Variants in RHD observed in about 807,000 individuals in gnomAD.
RHD encodes the protein Rh blood group D antigen.
In RHD, 16 loss-of-function variants were observed where a neutral mutation model predicts 45.5. That is an observed-to-expected ratio of 0.35 (90% CI 0.24 to 0.53). The LOEUF is 0.53. Among genes scored for constraint, RHD ranks in the 20% least tolerant of loss-of-function variants. The probability of loss-of-function intolerance (pLI) is 0.92; values close to 1 mark genes in which losing one functional copy is unlikely to be tolerated. For synonymous variants in RHD, 131 were observed against 217.5 expected (o/e 0.60, Z 3.50); for missense variants, 306 against 532.0 (o/e 0.58, Z 4.18).
At position 25,286,868 on chromosome 1, in the gene RHD, G is replaced by A. The variant is rs1230407223; in HGVS notation, c.335+2109G>A. 3.0e-5 allele frequency among the ~76,000 whole-genome samples: 4 copies of A among 134,346 alleles called. 1 individual carries two copies. The highest frequency in any genetic ancestry group is 7.0e-5 in the Non-Finnish European group (4 of 56,864). 88.1% of individuals were successfully genotyped at this position (134,346 alleles called of 152,430 possible). On this transcript the variant is annotated intron_variant, in intron 2 of 9. Coordinates refer to ENST00000328664, the MANE Select transcript of RHD (RefSeq NM_016124.6). ...TAGTACTTTAGGAGGCCTAGCAGGT[G>A]GATTACCTGAGGTCAGGAGTCCGAG...
chr1:25,302,089 G>C (rs1295650697), intron 5 of RHD, among the ~76,000 whole-genome samples: 2 of 130,892 alleles, frequency 1.5e-5, no homozygotes, highest in Non-Finnish European at 3.6e-5. Flanking sequence ...AAGTAGAGAA[G>C]TATGTGACAC....
rs569974439 is a variant in RHD at position 25,301,053 on chromosome 1, A to T, written c.594A>T (p.Lys198Asn). 15 of 1,376,916 alleles carry T rather than the reference A, an allele frequency of 1.1e-5. 2 individuals carry two copies. The highest frequency in any genetic ancestry group is 1.9e-4 in the Middle Eastern group (1 of 5,398). 85.3% of individuals were successfully genotyped at this position (1,376,916 alleles called of 1,614,324 possible). A position where few individuals can be genotyped will look rare whatever the true frequency, so the allele number is the denominator to read the frequency against. ...CTCTACCCGAGGGAACGGAGGATAA[A>T]GATCAGACAGCAACGATACCCAGTT... ...PKPLPEGTED[K>N]DQTATIPSLS... The change falls in exon 4 of 10, where the codon AAA becomes AAT. Residue 198 changes from lysine (K) to asparagine (N), a missense_variant. Transcript: ENST00000328664.
chr1:25,282,338 G>A (rs570410728), intron 1 of RHD, among the ~76,000 whole-genome samples: 3 of 131,184 alleles, frequency 2.3e-5, no homozygotes, highest in South Asian at 2.4e-4. Flanking sequence ...GGGTTCAAGC[G>A]ATTCTCCTGC....
In RHD at chr1:25,318,974, C is replaced by A. The variant is rs112514609; in HGVS notation, c.1153+1895C>A. Among the ~76,000 whole-genome samples, 15 of 132,906 alleles carry A rather than the reference C, an allele frequency of 1.1e-4. 3 individuals carry two copies. The highest frequency in any genetic ancestry group is 4.6e-4 in the South Asian group (2 of 4,360). 87.2% of individuals were successfully genotyped at this position (132,906 alleles called of 152,430 possible). On this transcript the variant is annotated intron_variant, in intron 8 of 9. Transcript: ENST00000328664. ...TTGTGAAGAAGCAGAGGCGGAGTAG[C>A]GTTAATTCCGTAAGTTAACGTTCAG... is the stretch of plus-strand genomic sequence containing the variant.
intron 3 of RHD, among the ~76,000 whole-genome samples, chr1:25,294,926 GGCT>G (rs1355501651): frequency 1.8e-5 from 2 of 112,668 alleles, no homozygotes; most frequent in East Asian, 4.7e-4. Flanking sequence ...CGGGACTGCA[GGCT>G]GGCACCAGGG....
rs1292546458 is a variant in RHD, at chr1:25,278,055, G to T, written c.148+5360G>T. ...TTTTCTTCCAGCTACCCTGGTGATTGTATTGAGCATTTTCTGGGGTGTGTG... is the reference window on the plus strand; with the variant it reads ...TTTTCTTCCAGCTACCCTGGTGATTTTATTGAGCATTTTCTGGGGTGTGTG... On this transcript the variant is annotated intron_variant, in intron 1 of 9. Transcript: ENST00000328664. 1.5e-5 allele frequency among the ~76,000 whole-genome samples: 2 copies of T among 130,310 alleles called. 1 individual carries two copies. Among genetic ancestry groups the T allele is most frequent in the African/African-American group, 5.2e-5 (2 of 38,400 alleles). 85.5% of individuals were successfully genotyped at this position (130,310 alleles called of 152,430 possible).
intron 2 of RHD, among the ~76,000 whole-genome samples, chr1:25,287,431 C>T (rs1226797839): frequency 3.7e-5 from 5 of 135,290 alleles, no homozygotes; most frequent in African/African-American, 1.3e-4. Flanking sequence ...GCTTGGATCC[C>T]CCTAGGGGTG....
At chr1:25,324,762 G>A (rs146335967) in intron 9 of RHD, among the ~76,000 whole-genome samples, 1,766 of 148,798 alleles carry the variant, frequency 0.012, 35 homozygotes, top group Non-Finnish European at 0.02. Flanking sequence ...TAAGTATGTC[G>A]CCCAGGTGCG....
rs1351119004 is a variant in RHD at position 25,281,373 on chromosome 1, T to C, written c.149-3200T>C. 3.1e-5 allele frequency among the ~76,000 whole-genome samples: 4 copies of C among 131,108 alleles called. 2 individuals carry two copies. The highest frequency in any genetic ancestry group is 5.3e-5 in the African/African-American group (2 of 37,752). The allele number at this position is 131,108 out of a possible 152,430, so 86.0% of individuals were successfully genotyped here. On this transcript the variant is annotated intron_variant, in intron 1 of 9. Coordinates refer to ENST00000328664, the MANE Select transcript of RHD (RefSeq NM_016124.6). ...CTCTCTCTGGTCCCCTTCTGTAAAA[T>C]GAGAGGAAAATGGAAGAATTGCTCT...
intron 2 of RHD, among the ~76,000 whole-genome samples, chr1:25,286,119 C>G (rs370995039): frequency 7.4e-6 from 1 of 135,246 alleles, no homozygotes; most frequent in African/African-American, 2.6e-5. Context: ...CTCCAGAGTG[C>G]TCAGAACATG....
chr1:25,304,736 A>T (rs1643664358), intron 6 of RHD: 1 of 132,332 alleles, frequency 7.6e-6, no homozygotes, highest in South Asian at 2.3e-4. Context: ...ACGTATCAAT[A>T]CTTCGATTAA....
In RHD at chr1:25,304,297, G is replaced by A. The variant is rs1389788975; in HGVS notation, c.939+838G>A. Reference sequence around the variant, plus strand: ...ATTTGGATGAACAGGGGCTATTCAGGGAGTGCATTCCAACCTAAAATTAGG... The same window carrying A: ...ATTTGGATGAACAGGGGCTATTCAGAGAGTGCATTCCAACCTAAAATTAGG... On this transcript the variant is annotated intron_variant, in intron 6 of 9. Coordinates refer to ENST00000328664, the MANE Select transcript of RHD (RefSeq NM_016124.6). 9.2e-5 allele frequency: 10 copies of A among 108,326 alleles called. 3 individuals carry two copies. Among genetic ancestry groups the A allele is most frequent in the Non-Finnish European group, 1.7e-4 (8 of 45,918 alleles). 6.7% of individuals were successfully genotyped at this position (108,326 alleles called of 1,614,324 possible). A position where few individuals can be genotyped will look rare whatever the true frequency, so the allele number is the denominator to read the frequency against.
rs571212473 is a variant in RHD, at chr1:25,309,235, T to A, written c.1073+2506T>A. Among the ~76,000 whole-genome samples, 865 of 131,960 alleles carry A rather than the reference T, an allele frequency of 6.6e-3. 146 individuals carry two copies. Among genetic ancestry groups the A allele is most frequent in the African/African-American group, 0.022 (829 of 38,168 alleles). The allele number at this position is 131,960 out of a possible 152,430, so 86.6% of individuals were successfully genotyped here. A position where few individuals can be genotyped will look rare whatever the true frequency, so the allele number is the denominator to read the frequency against. ...GAGCATTTCCCACAAACTGTGGGATTTTTAAGTAATGGGAAGGCACACTGA... is the reference window on the plus strand; with the variant it reads ...GAGCATTTCCCACAAACTGTGGGATATTTAAGTAATGGGAAGGCACACTGA... On this transcript the variant is annotated intron_variant, in intron 7 of 9. Coordinates refer to ENST00000328664, the MANE Select transcript of RHD (RefSeq NM_016124.6).
At position 25,328,948 on chromosome 1, in the gene RHD, G is replaced by C; in HGVS notation, c.*24G>C. ...AAGCAAAAGCATCCAAGAAAAACAA[G>C]GCCTGTTCAAAAACAAGACAACTTC... On this transcript the variant is annotated 3_prime_UTR_variant, in exon 10 of 10. Coordinates refer to ENST00000328664, the MANE Select transcript of RHD (RefSeq NM_016124.6). 3 of 1,319,212 alleles carry C rather than the reference G, an allele frequency of 2.3e-6. 1 individual carries two copies. Among genetic ancestry groups the C allele is most frequent in the Non-Finnish European group, 1.1e-6 (1 of 932,382 alleles). The allele number at this position is 1,319,212 out of a possible 1,614,324, so 81.7% of individuals were successfully genotyped here. A position where few individuals can be genotyped will look rare whatever the true frequency, so the allele number is the denominator to read the frequency against.
chr1:25,330,152 T>C lies in RHD; in HGVS notation c.*1228T>C, dbSNP rs1215203921. 15 of 132,728 alleles carry C rather than the reference T, an allele frequency of 1.1e-4. 3 individuals carry two copies. The highest frequency in any genetic ancestry group is 4.0e-3 in the Middle Eastern group (1 of 248). 8.2% of individuals were successfully genotyped at this position (132,728 alleles called of 1,614,324 possible). A position where few individuals can be genotyped will look rare whatever the true frequency, so the allele number is the denominator to read the frequency against. On this transcript the variant is annotated 3_prime_UTR_variant, in exon 10 of 10. Coordinates refer to ENST00000328664, the MANE Select transcript of RHD (RefSeq NM_016124.6). ...CAGCTCTCTGTGCACTGATTGCATA[T>C]GCATCCCAAGATTATATTATTGTTT...
chr1:25,316,689 C>T (rs1357704635), intron 7 of RHD, among the ~76,000 whole-genome samples: 2 of 124,240 alleles, frequency 1.6e-5, no homozygotes, highest in African/African-American at 5.4e-5. Flanking sequence ...TGCCCAGGGT[C>T]TTGCAGCTAG....
chr1:25,288,340 CTT>C (rs1258431849), intron 2 of RHD, among the ~76,000 whole-genome samples: 16 of 113,410 alleles, frequency 1.4e-4, no homozygotes, highest in Admixed American at 2.6e-4. Context: ...CCACACCTAG[CTT>C]TTTTTTTTTT....
chr1:25,274,321 A>G lies in RHD; in HGVS notation c.148+1626A>G, dbSNP rs530682770. ...GCCACCCTGGATTTAGTTTCCTTAC[A>G]CTTAACCATTATGCATCATGGCCCC... On this transcript the variant is annotated intron_variant, in intron 1 of 9. Transcript: ENST00000328664. Among the ~76,000 whole-genome samples, 309 of 132,108 alleles carry G rather than the reference A, an allele frequency of 2.3e-3. 86 individuals are homozygous for G. Among genetic ancestry groups the G allele is most frequent in the Non-Finnish European group, 4.5e-3 (253 of 55,680 alleles). The allele number at this position is 132,108 out of a possible 152,430, so 86.7% of individuals were successfully genotyped here.
rs2986167 is a variant in RHD, at chr1:25,300,575, C to T, written c.487-371C>T. ...CTGTAATCCCAGCACTTTGGGAGGC[C>T]GAGGCGGGTGGATCGCCTGAGGTCA... On this transcript the variant is annotated intron_variant, in intron 3 of 9. Coordinates refer to ENST00000328664, the MANE Select transcript of RHD (RefSeq NM_016124.6). 4.7e-5 allele frequency among the ~76,000 whole-genome samples: 6 copies of T among 127,374 alleles called. 2 individuals carry two copies. Among genetic ancestry groups the T allele is most frequent in the African/African-American group, 1.3e-4 (5 of 37,076 alleles). 83.6% of individuals were successfully genotyped at this position (127,374 alleles called of 152,430 possible). A position where few individuals can be genotyped will look rare whatever the true frequency, so the allele number is the denominator to read the frequency against.
Sources: gnomAD v4.1 joint callset for allele counts (sites outside exome capture counted in the v4.1 genomes callset) on GRCh38, gnomAD v4.1.1 for gene constraint, MANE v1.5 for transcripts, NCBI Gene and HGNC (gene_info 2026-07-23, HGNC 2026-07-21) for gene names.